Variants in RCAN2 observed in about 807,000 individuals in gnomAD.
The protein encoded by RCAN2 is regulator of calcineurin 2.
A neutral mutation model predicts 23.6 loss-of-function variants in RCAN2; 9 were observed. The ratio of observed to expected loss-of-function variants is 0.38; its 90% confidence interval spans 0.23 to 0.67. The LOEUF is 0.67. Among genes scored for constraint, RCAN2 ranks in the 30% least tolerant of loss-of-function variants. RCAN2 has a pLI of 0.51. For synonymous variants in RCAN2, 109 were observed against 115.7 expected (o/e 0.94, Z 0.37); for missense variants, 273 against 302.3 (o/e 0.90, Z 0.72).
intron 2 of RCAN2, among the ~76,000 whole-genome samples, chr6:46,406,731 G>C (rs1766416302): frequency 6.6e-6 from 1 of 152,220 alleles, no homozygotes; most frequent in Non-Finnish European, 1.5e-5. Flanking sequence ...TGTACTTATA[G>C]AGGCTACTTC....
At chr6:46,280,022 C>A (rs1767850715) in intron 2 of RCAN2, among the ~76,000 whole-genome samples, 1 of 152,150 alleles carries the variant, frequency 6.6e-6, no homozygotes, top group Non-Finnish European at 1.5e-5. Context: ...GATTCAGAGT[C>A]TTGGTCAAGA....
intron 2 of RCAN2, among the ~76,000 whole-genome samples, chr6:46,350,963 G>A (rs187151313): frequency 4.8e-4 from 73 of 152,266 alleles, no homozygotes; most frequent in Admixed American, 2.7e-3. Flanking sequence ...TAGTCATCCT[G>A]TCTGTGTTTC....
intron 2 of RCAN2, among the ~76,000 whole-genome samples, chr6:46,331,561 A>G (rs1763974228): frequency 6.6e-6 from 1 of 152,182 alleles, no homozygotes; most frequent in Non-Finnish European, 1.5e-5. Flanking sequence ...CACTTACCTT[A>G]TGGTATGACA....
intron 2 of RCAN2, among the ~76,000 whole-genome samples, chr6:46,404,000 T>C (rs1766330365): frequency 6.6e-6 from 1 of 152,098 alleles, no homozygotes; most frequent in Non-Finnish European, 1.5e-5. Context: ...GGAGGGTGGA[T>C]CACCTAAGGT....
intron 2 of RCAN2, among the ~76,000 whole-genome samples, chr6:46,310,835 T>C (rs1182042998): frequency 6.6e-6 from 1 of 152,196 alleles, no homozygotes; most frequent in Non-Finnish European, 1.5e-5. Flanking sequence ...GAAGTTTACT[T>C]AGAAATTAAG....
At chr6:46,239,612 C>T (rs1444371273) in intron 4 of RCAN2, among the ~76,000 whole-genome samples, 1 of 152,088 alleles carries the variant, frequency 6.6e-6, no homozygotes, top group African/African-American at 2.4e-5. Context: ...CTTTCCTTTC[C>T]TCCCCCTCCT....
intron 2 of RCAN2, among the ~76,000 whole-genome samples, chr6:46,259,943 A>G (rs952227333): frequency 6.6e-6 from 1 of 152,202 alleles, no homozygotes; most frequent in African/African-American, 2.4e-5. Flanking sequence ...CTGGGCTTCC[A>G]TGCTCCTCTC....
At chr6:46,272,914 G>T (rs1219246876) in intron 2 of RCAN2, among the ~76,000 whole-genome samples, 1 of 152,112 alleles carries the variant, frequency 6.6e-6, no homozygotes, top group African/African-American at 2.4e-5. Context: ...AAGATGTTAT[G>T]AATAAGTTCC....
intron 2 of RCAN2, among the ~76,000 whole-genome samples, chr6:46,373,631 T>G (rs531772590): frequency 6.6e-6 from 1 of 152,324 alleles, no homozygotes; most frequent in East Asian, 1.9e-4. Context: ...CCACATTTTT[T>G]CCTTATCTTT....
At position 46,468,905 on chromosome 6, in the gene RCAN2, CCTT is replaced by C. The variant is rs1768472007; in HGVS notation, c.-2-11930_-2-11928del. 8.6e-6 allele frequency: 8 copies of C among 926,572 alleles called. No homozygotes were observed. The South Asian group carries it at 1.5e-4, about 17-fold the overall frequency. The allele number at this position is 926,572 out of a possible 1,614,324, so 57.4% of individuals were successfully genotyped here. A position where few individuals can be genotyped will look rare whatever the true frequency, so the allele number is the denominator to read the frequency against. On this transcript the variant is annotated intron_variant, in intron 1 of 4. Transcript: ENST00000371374. The stretch of plus-strand genomic sequence containing the variant: ...AGGCTGAGTGTTTTCATTCTCTCCT[CCTT>C]AACTTTACTTGTTAGCACAATTTGC...
At chr6:46,480,868 C>T (rs930420263) in intron 1 of RCAN2, among the ~76,000 whole-genome samples, 5 of 152,136 alleles carry the variant, frequency 3.3e-5, no homozygotes, top group Admixed American at 6.5e-5. Flanking sequence ...GTGATACGCC[C>T]GCCTCGGCCT....
intron 1 of RCAN2, among the ~76,000 whole-genome samples, chr6:46,469,951 G>A (rs1212323975): frequency 2.0e-5 from 3 of 152,120 alleles, no homozygotes; most frequent in Non-Finnish European, 4.4e-5. Flanking sequence ...TGCAAGCAGA[G>A]AACCACCCTC....
At chr6:46,291,822 C>G (rs1000786560) in intron 2 of RCAN2, among the ~76,000 whole-genome samples, 1 of 152,018 alleles carries the variant, frequency 6.6e-6, no homozygotes, top group African/African-American at 2.4e-5. Flanking sequence ...TAAGAAGGAA[C>G]CCATAGTATA....
chr6:46,478,932 G>T (rs555243220), intron 1 of RCAN2, among the ~76,000 whole-genome samples: 1 of 152,328 alleles, frequency 6.6e-6, no homozygotes, highest in African/African-American at 2.4e-5. Context: ...TTGGCGATGT[G>T]CATACAACTG....
At chr6:46,441,384 T>G (rs1055582739) in intron 2 of RCAN2, among the ~76,000 whole-genome samples, 2 of 152,194 alleles carry the variant, frequency 1.3e-5, no homozygotes, top group Non-Finnish European at 2.9e-5. Context: ...ATTCAACATC[T>G]GGGACACCCG....
intron 2 of RCAN2, among the ~76,000 whole-genome samples, chr6:46,265,683 T>C (rs998148169): frequency 6.6e-6 from 1 of 152,204 alleles, no homozygotes; most frequent in African/African-American, 2.4e-5. Flanking sequence ...CCTGTCAAAA[T>C]ATGCAGGCCT....
chr6:46,349,989 C>A (rs1764596452), intron 2 of RCAN2, among the ~76,000 whole-genome samples: 1 of 152,200 alleles, frequency 6.6e-6, no homozygotes, highest in South Asian at 2.1e-4. Flanking sequence ...TGTCCCTGGC[C>A]CCCACTTGAC....
chr6:46,400,146 C>T (rs150917761), intron 2 of RCAN2, among the ~76,000 whole-genome samples: 1 of 152,312 alleles, frequency 6.6e-6, no homozygotes, highest in East Asian at 1.9e-4. Flanking sequence ...CACTGCCTTG[C>T]CCATTCAGAT....
chr6:46,335,782 T>C (rs1285783385), intron 2 of RCAN2, among the ~76,000 whole-genome samples: 2 of 152,238 alleles, frequency 1.3e-5, no homozygotes, highest in African/African-American at 4.8e-5. Context: ...TTTGGTGTGA[T>C]ACCTACCTCT....
Sources: gnomAD v4.1 joint callset for allele counts (sites outside exome capture counted in the v4.1 genomes callset) on GRCh38, gnomAD v4.1.1 for gene constraint, MANE v1.5 for transcripts, NCBI Gene and HGNC (gene_info 2026-07-23, HGNC 2026-07-21) for gene names.